Variants in NCKAP5 observed in about 807,000 individuals in gnomAD.
NCKAP5 encodes nck-associated protein 5.
A neutral mutation model predicts 167.0 loss-of-function variants in NCKAP5; 92 were observed. That is an observed-to-expected ratio of 0.55 (90% CI 0.47 to 0.66). NCKAP5 has a LOEUF of 0.66. NCKAP5 is among the 30% of genes least tolerant of loss of function. The pLI is 0.00. For missense variants in NCKAP5, 2,378 were observed against 2,315.0 expected (o/e 1.03, Z -0.56); for synonymous variants, 891 against 877.4 (o/e 1.02, Z -0.27).
intron 5 of NCKAP5, among the ~76,000 whole-genome samples, chr2:133,206,607 T>C (rs931338893): frequency 6.6e-6 from 1 of 152,186 alleles, no homozygotes; most frequent in African/African-American, 2.4e-5. Flanking sequence ...ATATGAAATC[T>C]GATTGTAAAA....
intron 3 of NCKAP5, among the ~76,000 whole-genome samples, chr2:133,449,771 G>A (rs958826286): frequency 6.6e-6 from 1 of 151,674 alleles, no homozygotes; most frequent in East Asian, 1.9e-4. Context: ...AACTATAAAG[G>A]AAGGTTAAAA....
chr2:132,797,882 G>C (rs1684729684), intron 11 of NCKAP5, among the ~76,000 whole-genome samples: 1 of 152,162 alleles, frequency 6.6e-6, no homozygotes. Context: ...AGAGCCCTGA[G>C]TACTTGGTTA....
At chr2:133,540,212 A>T (rs568327940) in intron 2 of NCKAP5, among the ~76,000 whole-genome samples, 2 of 152,306 alleles carry the variant, frequency 1.3e-5, no homozygotes, top group African/African-American at 4.8e-5. Context: ...AATGCTATGC[A>T]TATCAACATG....
intron 5 of NCKAP5, among the ~76,000 whole-genome samples, chr2:133,148,854 G>A (rs762753057): frequency 1.4e-4 from 21 of 152,130 alleles, no homozygotes; most frequent in Admixed American, 6.5e-5. Context: ...CATTGGAAAT[G>A]AGAGTTTCAA....
intron 3 of NCKAP5, among the ~76,000 whole-genome samples, chr2:133,350,466 C>G (rs1684285074): frequency 1.3e-5 from 2 of 152,112 alleles, no homozygotes; most frequent in African/African-American, 4.8e-5. Flanking sequence ...GACCATAACA[C>G]CCCTCCCCTA....
At chr2:133,406,004 A>T (rs1688402678) in intron 3 of NCKAP5, among the ~76,000 whole-genome samples, 2 of 152,254 alleles carry the variant, frequency 1.3e-5, no homozygotes, top group South Asian at 4.1e-4. Flanking sequence ...GGTCTGTATA[A>T]TCCCCGAATT....
intron 19 of NCKAP5, among the ~76,000 whole-genome samples, chr2:132,675,147 T>C (rs1558902309): frequency 6.6e-6 from 1 of 152,122 alleles, no homozygotes; most frequent in Non-Finnish European, 1.5e-5. Context: ...CACACACTCA[T>C]TAGAGAAGCT....
chr2:133,368,468 AAG>A (rs760936556), intron 3 of NCKAP5, among the ~76,000 whole-genome samples: 2 of 152,218 alleles, frequency 1.3e-5, no homozygotes, highest in African/African-American at 2.4e-5. Context: ...ATTTTTAAAA[AAG>A]AAAAACAGAA....
At chr2:133,552,829 C>G (rs1441372212) in intron 2 of NCKAP5, among the ~76,000 whole-genome samples, 2 of 152,002 alleles carry the variant, frequency 1.3e-5, no homozygotes, top group Non-Finnish European at 2.9e-5. Flanking sequence ...TGAACGAACA[C>G]TCTTTTTACA....
At chr2:132,750,821 G>C (rs910248397) in intron 16 of NCKAP5, among the ~76,000 whole-genome samples, 11 of 152,272 alleles carry the variant, frequency 7.2e-5, no homozygotes, top group African/African-American at 2.6e-4. Flanking sequence ...GCAAGCTCAA[G>C]CAAGTCACAG....
chr2:133,190,551 G>T (rs935915896), intron 5 of NCKAP5, among the ~76,000 whole-genome samples: 18 of 152,136 alleles, frequency 1.2e-4, no homozygotes, highest in African/African-American at 4.3e-4. Flanking sequence ...AAAACAGCAT[G>T]GTACTGGTAC....
At chr2:133,482,198 T>C (rs1418684072) in intron 3 of NCKAP5, among the ~76,000 whole-genome samples, 1 of 151,988 alleles carries the variant, frequency 6.6e-6, no homozygotes, top group Non-Finnish European at 1.5e-5. Context: ...TGTGTATATA[T>C]ATAAAATTTT....
At chr2:132,803,478 A>C (rs1419067014) in intron 11 of NCKAP5, among the ~76,000 whole-genome samples, 1 of 152,240 alleles carries the variant, frequency 6.6e-6, no homozygotes. Context: ...AGCTATATTC[A>C]AAACCTTCTT....
At chr2:132,752,261 G>C (rs1259398346) in intron 16 of NCKAP5, among the ~76,000 whole-genome samples, 1 of 152,232 alleles carries the variant, frequency 6.6e-6, no homozygotes, top group Non-Finnish European at 1.5e-5. Flanking sequence ...GGCATCTTTG[G>C]TTCCCTTACG....
At chr2:133,538,236 G>T (rs1247132046) in intron 2 of NCKAP5, among the ~76,000 whole-genome samples, 1 of 152,146 alleles carries the variant, frequency 6.6e-6, no homozygotes, top group Non-Finnish European at 1.5e-5. Flanking sequence ...ATAATTATTT[G>T]TCTCAGAAGA....
chr2:133,025,830 A>T (rs945492284), intron 6 of NCKAP5, among the ~76,000 whole-genome samples: 4 of 152,198 alleles, frequency 2.6e-5, no homozygotes, highest in Admixed American at 2.6e-4. Flanking sequence ...TTATTTTAAA[A>T]AATTTTTAAG....
At chr2:133,643,909 G>A in the NCKAP5 span, among the ~76,000 whole-genome samples, 4 of 151,924 alleles carry the variant, frequency 2.6e-5, no homozygotes, top group African/African-American at 7.3e-5. Context: ...CAATTCCCCC[G>A]CCCTGCCTGA....
At chr2:133,427,964 T>A (rs1689918890) in intron 3 of NCKAP5, among the ~76,000 whole-genome samples, 1 of 152,084 alleles carries the variant, frequency 6.6e-6, no homozygotes, top group Non-Finnish European at 1.5e-5. Context: ...AACTTGCATA[T>A]GAATTAACAG....
At chr2:133,289,411 C>T (rs548330943) in intron 4 of NCKAP5, among the ~76,000 whole-genome samples, 9 of 278 alleles carry the variant, frequency 0.032, no homozygotes, top group African/African-American at 0.13. Context: ...TTGTGCTAAG[C>T]TCCTATATTA....
Sources: allele counts gnomAD v4.1 joint callset (sites outside exome capture counted in the v4.1 genomes callset), GRCh38; gene constraint gnomAD v4.1.1; transcripts MANE v1.5; gene names NCBI Gene and HGNC (gene_info 2026-07-23, HGNC 2026-07-21).